Variants in IPO11 observed in about 807,000 individuals in gnomAD.
The protein encoded by IPO11 is importin-11.
A neutral mutation model predicts 143.2 loss-of-function variants in IPO11; 66 were observed. That is an observed-to-expected ratio of 0.46 (90% CI 0.38 to 0.57). IPO11 has a LOEUF of 0.57. IPO11 is among the 20% of genes least tolerant of loss of function. IPO11 has a pLI of 0.00. For synonymous variants in IPO11, 385 were observed against 377.8 expected (o/e 1.02, Z -0.22); for missense variants, 1,026 against 1,141.0 (o/e 0.90, Z 1.45).
At chr5:62,581,487 T>C in intron 27 of IPO11, 1 of 547,112 alleles carries the variant, frequency 1.8e-6, no homozygotes, top group Non-Finnish European at 3.2e-6. Context: ...TTTTCTTTGA[T>C]ATATACTGTA....
intron 1 of IPO11, among the ~76,000 whole-genome samples, chr5:62,424,430 C>T (rs568565486): frequency 7.9e-5 from 12 of 151,422 alleles, no homozygotes; most frequent in Non-Finnish European, 1.3e-4. Flanking sequence ...TGAGCCATCG[C>T]GCCTGGCTCA....
intron 26 of IPO11, among the ~76,000 whole-genome samples, chr5:62,559,307 AAG>A (rs2112362651): frequency 6.6e-6 from 1 of 152,284 alleles, no homozygotes; most frequent in East Asian, 1.9e-4. Flanking sequence ...GGAAAAATAA[AAG>A]AGGATTGAAG....
chr5:62,473,246 C>T (rs1017595650), intron 7 of IPO11, among the ~76,000 whole-genome samples: 11 of 152,190 alleles, frequency 7.2e-5, no homozygotes, highest in South Asian at 2.1e-4. Context: ...TATTTCATCA[C>T]GTTTCCAGAA....
intron 27 of IPO11, among the ~76,000 whole-genome samples, chr5:62,587,890 G>C (rs1744855513): frequency 6.6e-6 from 1 of 152,170 alleles, no homozygotes; most frequent in Non-Finnish European, 1.5e-5. Flanking sequence ...TTGAGGCCCT[G>C]ATGCTGACCA....
Position 62,505,069 on chromosome 5 carries a change from G to A in IPO11, c.1665+171G>A, listed in dbSNP as rs961833524. Among the ~76,000 whole-genome samples, 4 of 152,054 alleles carry A rather than the reference G, an allele frequency of 2.6e-5. No individual in the cohort carries two copies. In the East Asian group the frequency reaches 5.8e-4, roughly 22 times the overall value. ...TAATTTTTATTTGTAAACTGTTTTG[G>A]TAACTTTTATTGCTAACAGTTCACT... is the stretch of plus-strand genomic sequence containing the variant. On this transcript the variant is annotated intron_variant, in intron 18 of 29. Coordinates refer to ENST00000325324, the MANE Select transcript of IPO11 (RefSeq NM_016338.5).
intron 1 of IPO11, among the ~76,000 whole-genome samples, chr5:62,434,326 C>G (rs1744096507): frequency 6.6e-6 from 1 of 151,886 alleles, no homozygotes; most frequent in South Asian, 2.1e-4. Flanking sequence ...TGTTTTGAGA[C>G]AGGGTTTCTC....
At chr5:62,589,461 A>G (rs1744931746) in intron 27 of IPO11, among the ~76,000 whole-genome samples, 1 of 152,170 alleles carries the variant, frequency 6.6e-6, no homozygotes, top group Non-Finnish European at 1.5e-5. Context: ...GATGAAACCC[A>G]ACAGTCATCC....
At chr5:62,507,106 C>T (rs951285213) in intron 19 of IPO11, among the ~76,000 whole-genome samples, 1 of 152,160 alleles carries the variant, frequency 6.6e-6, no homozygotes, top group Non-Finnish European at 1.5e-5. Flanking sequence ...GACATATGTG[C>T]TACATGCTTT....
intron 9 of IPO11, among the ~76,000 whole-genome samples, chr5:62,476,994 A>G (rs1450851150): frequency 2.0e-5 from 3 of 152,322 alleles, no homozygotes; most frequent in African/African-American, 4.8e-5. Flanking sequence ...ATTCTAATAA[A>G]TATTAGAGTA....
chr5:62,489,443 C>T lies in IPO11; in HGVS notation c.1357+94C>T, dbSNP rs776674683. On this transcript the variant is annotated intron_variant, in intron 14 of 29. Transcript: ENST00000325324. ...ATTTTGTGCTGAGGGTGTTGAGATA[C>T]AAGAGTAACTAAAATACAGGAACAA... The T allele has an allele frequency of 1.2e-5, 9 of 765,042 alleles. No individual in the cohort carries two copies. In the East Asian group the frequency reaches 2.0e-4, roughly 17 times the overall value. The allele number at this position is 765,042 out of a possible 1,614,324, so 47.4% of individuals were successfully genotyped here. A position where few individuals can be genotyped will look rare whatever the true frequency, so the allele number is the denominator to read the frequency against.
chr5:62,445,173 A>G (rs1435410969), intron 3 of IPO11, among the ~76,000 whole-genome samples: 1 of 152,080 alleles, frequency 6.6e-6, no homozygotes, highest in African/African-American at 2.4e-5. Context: ...AAGACTTTTT[A>G]AAAAGATGCT....
intron 1 of IPO11, chr5:62,418,991 G>T: frequency 6.5e-7 from 1 of 1,546,120 alleles, no homozygotes; most frequent in South Asian, 1.2e-5. Flanking sequence ...GTTGTTCTAT[G>T]AACATCATAT....
At chr5:62,457,588 A>G (rs1241804623) in intron 5 of IPO11, among the ~76,000 whole-genome samples, 1 of 152,204 alleles carries the variant, frequency 6.6e-6, no homozygotes. Context: ...TCAGAAGGTC[A>G]TCGTGATGAA....
In IPO11 at chr5:62,435,114, ATATG is replaced by A. The variant is rs1390615722; in HGVS notation, c.-6-2156_-6-2153del. 2.0e-4 allele frequency among the ~76,000 whole-genome samples: 20 copies of A among 102,266 alleles called. No individual in the cohort carries two copies. In the Admixed American group the frequency reaches 2.2e-3, roughly 11 times the overall value. The allele number at this position is 102,266 out of a possible 152,430, so 67.1% of individuals were successfully genotyped here. A position where few individuals can be genotyped will look rare whatever the true frequency, so the allele number is the denominator to read the frequency against. ...TATGTATATATGTATATATATGTATATATGTATATATGTATATATATGTATATAT... is the reference window on the plus strand; with the variant it reads ...TATGTATATATGTATATATATGTATATATATATGTATATATATGTATATAT... On this transcript the variant is annotated intron_variant, in intron 1 of 29. Transcript: ENST00000325324.
rs1580351792 is a variant in IPO11 at position 62,583,363 on chromosome 5, A to G, written c.2583-8214A>G. 2.6e-5 allele frequency among the ~76,000 whole-genome samples: 4 copies of G among 152,336 alleles called. No individual in the cohort carries two copies. The South Asian group carries it at 8.3e-4, about 32-fold the overall frequency. On this transcript the variant is annotated intron_variant, in intron 27 of 29. Transcript: ENST00000325324. ...ATGTTCACAAGCAACACAGCTGGCT[A>G]TGTGAAGTTCAGGAAAATTTATATA...
rs974020852 is a variant in IPO11, at chr5:62,443,074, T to C, written c.230T>C (p.Val77Ala). The change falls in exon 3 of 30, where the codon GTA becomes GCA. Residue 77 changes from valine to alanine, a missense_variant. Physicochemically the swap from Val to Ala is moderately conservative, Grantham distance 64. Transcript: ENST00000325324. ...GGAATTGATCGCTACTGGAGACGTG[T>C]AGCACCTCAGTAAGTTCCATCACTT... ...KHGIDRYWRR[V>A]APHALSEEEK... 1 of 1,603,324 alleles carries C rather than the reference T, an allele frequency of 6.2e-7. No individual in the cohort carries two copies. The highest frequency in any genetic ancestry group is 8.5e-7 in the Non-Finnish European group (1 of 1,172,238).
In IPO11 at chr5:62,474,477, G is replaced by A. The variant is rs1197504072; in HGVS notation, c.757+13G>A. 14 of 1,565,632 alleles carry A rather than the reference G, an allele frequency of 8.9e-6. No individual in the cohort carries two copies. The highest frequency in any genetic ancestry group is 4.6e-5 in the East Asian group (2 of 43,472). On this transcript the variant is annotated intron_variant, in intron 8 of 29. Coordinates refer to ENST00000325324, the MANE Select transcript of IPO11 (RefSeq NM_016338.5). ...TTTCTGGAATGCAGTAAGTACTTTC[G>A]TTGCAGTCCTTTTTACTGTAGAATT...
intron 1 of IPO11, among the ~76,000 whole-genome samples, chr5:62,436,891 T>A (rs1744263355): frequency 6.6e-6 from 1 of 152,234 alleles, no homozygotes; most frequent in Non-Finnish European, 1.5e-5. Context: ...GTTTAATACT[T>A]TTATAACACT....
At chr5:62,530,857 T>G (rs1742519153) in intron 22 of IPO11, 72 bp downstream of exon 22, 4 of 1,165,620 alleles carry the variant, frequency 3.4e-6, no homozygotes, top group Non-Finnish European at 5.1e-6. Flanking sequence ...AAACATAATT[T>G]GGAGGCATTA....
Sources: gnomAD v4.1 joint callset for allele counts (sites outside exome capture counted in the v4.1 genomes callset) on GRCh38, gnomAD v4.1.1 for gene constraint, MANE v1.5 for transcripts, NCBI Gene and HGNC (gene_info 2026-07-23, HGNC 2026-07-21) for gene names.